LRP6: variants seen among roughly 807,000 people sequenced by gnomAD.
LRP6 encodes the protein LDL receptor related protein 6.
A neutral mutation model predicts 184.1 loss-of-function variants in LRP6; 43 were observed. That is an observed-to-expected ratio of 0.23 (90% CI 0.18 to 0.30). The LOEUF (loss-of-function observed/expected upper bound fraction) is 0.30. Ranked by LOEUF, LRP6 falls within the 10% of genes least tolerant of loss-of-function variation. The pLI, the probability that LRP6 is intolerant of heterozygous loss-of-function variation, is 1.00. For missense variants in LRP6, 1,571 were observed against 2,005.3 expected (o/e 0.78, Z 4.14); for synonymous variants, 719 against 684.9 (o/e 1.05, Z -0.78).
chr12:12,234,074 G>A (rs1180271027), intron 2 of LRP6, among the ~76,000 whole-genome samples: 1 of 152,160 alleles, frequency 6.6e-6, no homozygotes, highest in Non-Finnish European at 1.5e-5. Flanking sequence ...CGGATCACAA[G>A]GTCAGGAGTT....
rs760368174 is a variant in LRP6, at chr12:12,117,016, A to G, written c.*4110T>C. ...TACTTGAGGTCCAAAGTCTTCTACC[A>G]TAAAATGTTGAGAATTTCAAAAGCT... On this transcript the variant is annotated 3_prime_UTR_variant, in exon 23 of 23. Transcript: ENST00000261349. The G allele has an allele frequency of 1.3e-5, 2 of 152,226 alleles. No individual in the cohort carries two copies. Among genetic ancestry groups the G allele is most frequent in the Non-Finnish European group, 2.9e-5 (2 of 68,038 alleles). 9.4% of individuals were successfully genotyped at this position (152,226 alleles called of 1,614,324 possible).
In LRP6 at chr12:12,181,260, G is replaced by A. The variant is rs148238873; in HGVS notation, c.1156C>T (p.Arg386Cys). The A allele has an allele frequency of 7.4e-5, 119 of 1,614,080 alleles. 2 individuals carry two copies. In the Admixed American group the frequency reaches 1.8e-3, roughly 24 times the overall value. Residue 386 changes from arginine (R) to cysteine (C), a missense_variant, in exon 6 of 23, where the codon CGT (arginine) becomes TGT (cysteine). Coordinates refer to ENST00000261349, the MANE Select transcript of LRP6 (RefSeq NM_002336.3). Reference protein sequence around the residue: ...WTDDEVRAIRRSFIDGSGSQF... With the variant: ...WTDDEVRAIRCSFIDGSGSQF... ...CTGCCAGATCCATCTATAAATGAAC[G>A]GCGTATGGCCCTCACTTCATCATCA...
intron 2 of LRP6, chr12:12,226,649 A>C (rs1864631508): frequency 6.6e-6 from 1 of 152,242 alleles, no homozygotes; most frequent in South Asian, 2.1e-4. Context: ...AGACTGAAAA[A>C]AAGGGAACAG....
chr12:12,214,240 T>C (rs1408478014), intron 2 of LRP6, among the ~76,000 whole-genome samples: 3 of 152,170 alleles, frequency 2.0e-5, no homozygotes, highest in Non-Finnish European at 4.4e-5. Context: ...TAGGACAAAA[T>C]AGCATTTACT....
Position 12,120,649 on chromosome 12 carries a change from T to C in LRP6, c.*477A>G, listed in dbSNP as rs1237480894. The C allele has an allele frequency of 6.5e-6, 1 of 152,880 alleles. No homozygotes were observed. Among genetic ancestry groups the C allele is most frequent in the East Asian group, 1.9e-4 (1 of 5,208 alleles). 9.5% of individuals were successfully genotyped at this position (152,880 alleles called of 1,614,324 possible). A position where few individuals can be genotyped will look rare whatever the true frequency, so the allele number is the denominator to read the frequency against. ...TTTTCCTTTCATCATTTCTTACTTG[T>C]TGGCCCTCAAATGTTAGTTAACTGA... On this transcript the variant is annotated 3_prime_UTR_variant, in exon 23 of 23. Coordinates refer to ENST00000261349, the MANE Select transcript of LRP6 (RefSeq NM_002336.3).
intron 1 of LRP6, among the ~76,000 whole-genome samples, chr12:12,254,540 C>T (rs1865414889): frequency 6.6e-6 from 1 of 152,188 alleles, no homozygotes. Context: ...CCCCGTCTTA[C>T]TCCTCCAGAA....
At chr12:12,213,429 T>C (rs943236779) in intron 2 of LRP6, among the ~76,000 whole-genome samples, 16 of 152,154 alleles carry the variant, frequency 1.1e-4, no homozygotes, top group Admixed American at 9.2e-4. Context: ...TTAATTTGTA[T>C]GCACTTTTTA....
In LRP6 at chr12:12,119,907, A is replaced by G. The variant is rs762525885; in HGVS notation, c.*1219T>C. Reference sequence around the variant, plus strand: ...AACTGTTAATATAGGGAAAATCCTAATAAGAAAAAAATCTTTTTAAATAGA... The same window carrying G: ...AACTGTTAATATAGGGAAAATCCTAGTAAGAAAAAAATCTTTTTAAATAGA... On this transcript the variant is annotated 3_prime_UTR_variant, in exon 23 of 23. Transcript: ENST00000261349. 1 of 149,280 alleles carries G rather than the reference A, an allele frequency of 6.7e-6. No homozygotes were observed. Among genetic ancestry groups the G allele is most frequent in the African/African-American group, 2.5e-5 (1 of 40,582 alleles). 9.2% of individuals were successfully genotyped at this position (149,280 alleles called of 1,614,324 possible). A position where few individuals can be genotyped will look rare whatever the true frequency, so the allele number is the denominator to read the frequency against.
chr12:12,165,015 CT>C, intron 8 of LRP6, 63 bp downstream of exon 8: 1 of 1,168,776 alleles, frequency 8.6e-7, no homozygotes, highest in South Asian at 1.2e-5. Context: ...ATTTACACTG[CT>C]GACTATCTCC....
chr12:12,152,174 A>G (rs1400391764), intron 12 of LRP6, among the ~76,000 whole-genome samples: 1 of 152,024 alleles, frequency 6.6e-6, no homozygotes, highest in Admixed American at 6.5e-5. Context: ...AGGGGTTCCC[A>G]CTTTTGCTTC....
At chr12:12,192,923 T>C (rs1419575532) in intron 3 of LRP6, among the ~76,000 whole-genome samples, 1 of 152,006 alleles carries the variant, frequency 6.6e-6, no homozygotes, top group Non-Finnish European at 1.5e-5. Flanking sequence ...AACAAAAGAA[T>C]ACACAATCTT....
chr12:12,125,526 A>G (rs1949661295), intron 20 of LRP6, 94 bp from the exon 21 acceptor site: 1 of 1,099,918 alleles, frequency 9.1e-7, no homozygotes, highest in Non-Finnish European at 1.4e-6. Context: ...AAATATCAAC[A>G]GTGAAGTAGT....
At chr12:12,232,182 G>A (rs2135893749) in intron 2 of LRP6, among the ~76,000 whole-genome samples, 2 of 151,968 alleles carry the variant, frequency 1.3e-5, no homozygotes, top group Middle Eastern at 6.8e-3. Flanking sequence ...AGGAGATCAA[G>A]ACCATCCTGG....
intron 19 of LRP6, among the ~76,000 whole-genome samples, chr12:12,129,655 C>T (rs988756370): frequency 3.3e-5 from 5 of 151,874 alleles, no homozygotes; most frequent in East Asian, 2.0e-4. Context: ...CGGGTTCAAA[C>T]GATTCTCTTG....
At chr12:12,177,134 C>G (rs1197240776) in intron 7 of LRP6, among the ~76,000 whole-genome samples, 1 of 152,160 alleles carries the variant, frequency 6.6e-6, no homozygotes, top group East Asian at 1.9e-4. Flanking sequence ...GTGTGAGCCA[C>G]CGCGCCCGGC....
At chr12:12,213,456 CTA>C (rs1487937221) in intron 2 of LRP6, among the ~76,000 whole-genome samples, 1 of 151,832 alleles carries the variant, frequency 6.6e-6, no homozygotes, top group East Asian at 1.9e-4. Flanking sequence ...AAGGCTAACT[CTA>C]TTATTAATAT....
At chr12:12,128,334 C>G (rs538612087) in intron 19 of LRP6, among the ~76,000 whole-genome samples, 41 of 152,334 alleles carry the variant, frequency 2.7e-4, no homozygotes, top group Non-Finnish European at 4.6e-4. Flanking sequence ...TCTCTTCTGC[C>G]TGCATCTTAA....
rs1156590110 is a variant in LRP6 at position 12,124,651 on chromosome 12, A to G, written c.4461T>C (p.Pro1487=). Residue 1487 remains proline, a synonymous_variant, in exon 22 of 23, where the codon CCT becomes CCC. Coordinates refer to ENST00000261349, the MANE Select transcript of LRP6 (RefSeq NM_002336.3). The part of the protein sequence containing the change: ...KGTYFPAILN[P]PPSPATERSH... Reference sequence around the variant, plus strand: ...ATCGCTCTGTGGCTGGGGATGGTGGAGGGTTCAAAATCTAAAAGAAAAAAA... The same window carrying G: ...ATCGCTCTGTGGCTGGGGATGGTGGGGGGTTCAAAATCTAAAAGAAAAAAA... 1 of 1,609,126 alleles carries G rather than the reference A, an allele frequency of 6.2e-7. No individual in the cohort carries two copies. The highest frequency in any genetic ancestry group is 1.7e-5 in the Admixed American group (1 of 59,996).
At chr12:12,129,086 A>G (rs577557396) in intron 19 of LRP6, among the ~76,000 whole-genome samples, 1 of 152,376 alleles carries the variant, frequency 6.6e-6, no homozygotes, top group South Asian at 2.1e-4. Flanking sequence ...AAAGTGTTCT[A>G]TATAACATGG....
Sources: gnomAD v4.1 joint callset for allele counts (sites outside exome capture counted in the v4.1 genomes callset) on GRCh38, gnomAD v4.1.1 for gene constraint, MANE v1.5 for transcripts, NCBI Gene and HGNC (gene_info 2026-07-23, HGNC 2026-07-21) for gene names.